Variants in KLHDC10 observed in about 807,000 individuals in gnomAD.
The protein encoded by KLHDC10 is kelch domain-containing protein 10.
KLHDC10 carries 24 observed loss-of-function variants against 56.1 expected under a neutral mutation model. The ratio of observed to expected loss-of-function variants is 0.43; its 90% CI spans 0.31 to 0.60. The LOEUF (loss-of-function observed/expected upper bound fraction) is 0.60, where lower values mean the gene tolerates loss of function less well. Among genes scored for constraint, KLHDC10 ranks in the 20% least tolerant of loss-of-function variants. KLHDC10 has a pLI of 0.11. For synonymous variants in KLHDC10, 188 were observed against 207.1 expected (o/e 0.91, Z 0.79); for missense variants, 349 against 567.0 (o/e 0.62, Z 3.91).
chr7:130,097,778 T>C (rs551708686), intron 2 of KLHDC10, among the ~76,000 whole-genome samples: 53 of 152,312 alleles, frequency 3.5e-4, no homozygotes, highest in African/African-American at 1.2e-3. Flanking sequence ...TTAAAAACCT[T>C]AGAAATATTC....
At position 130,096,958 on chromosome 7, in the gene KLHDC10, C is replaced by T. The variant is rs1248876624; in HGVS notation, c.204C>T (p.Arg68=). Residue 68 remains arginine (R), a synonymous_variant, in exon 2 of 10, where the codon CGC becomes CGT. Transcript: ENST00000335420. ...TACGATGGGACCCAGTTAGGAGGCG[C>T]TTCATTCAGTCCTGTCCCATCATAA... ...KKIRWDPVRR[R]FIQSCPIIRI... 2 of 1,611,398 alleles carry T rather than the reference C, an allele frequency of 1.2e-6. No individual in the cohort carries two copies. Among genetic ancestry groups the T allele is most frequent in the East Asian group, 4.5e-5 (2 of 44,862 alleles).
chr7:130,133,069 AAGT>A lies in KLHDC10; in HGVS notation c.*2325_*2327del. 6.6e-6 allele frequency: 1 copy of A among 152,368 alleles called. No homozygotes were observed. Among genetic ancestry groups the A allele is most frequent in the East Asian group, 1.9e-4 (1 of 5,192 alleles). The allele number at this position is 152,368 out of a possible 1,614,324, so 9.4% of individuals were successfully genotyped here. On this transcript the variant is annotated 3_prime_UTR_variant, in exon 10 of 10. Transcript: ENST00000335420. Reference sequence around the variant, plus strand: ...AGACCTGTGTGTTTTATTTTCATAAAAGTATATATCCTTGGTCTAAAGTGTCTT... The same window carrying A: ...AGACCTGTGTGTTTTATTTTCATAAAATATATCCTTGGTCTAAAGTGTCTT...
At chr7:130,075,854 G>C (rs1280218622) in intron 1 of KLHDC10, among the ~76,000 whole-genome samples, 1 of 152,048 alleles carries the variant, frequency 6.6e-6, no homozygotes, top group African/African-American at 2.4e-5. Context: ...AATAGGAATA[G>C]TTTTCTTAAG....
intron 1 of KLHDC10, among the ~76,000 whole-genome samples, chr7:130,072,048 C>T (rs1355740917): frequency 1.3e-5 from 2 of 151,924 alleles, no homozygotes; most frequent in East Asian, 3.8e-4. Context: ...GGGTTTGAGA[C>T]GTTAATATCA....
intron 1 of KLHDC10, among the ~76,000 whole-genome samples, chr7:130,091,037 A>G (rs1795765498): frequency 6.6e-6 from 1 of 151,870 alleles, no homozygotes; most frequent in Non-Finnish European, 1.5e-5. Context: ...TATTGGTTGC[A>G]TGTATCAATA....
chr7:130,080,596 A>G (rs1260708110), intron 1 of KLHDC10, among the ~76,000 whole-genome samples: 2 of 151,694 alleles, frequency 1.3e-5, no homozygotes, highest in African/African-American at 4.8e-5. Flanking sequence ...GTGGGGTCTC[A>G]ATGTTGCCCA....
At chr7:130,108,058 C>A (rs982132340) in intron 2 of KLHDC10, among the ~76,000 whole-genome samples, 52 of 146,710 alleles carry the variant, frequency 3.5e-4, no homozygotes, top group South Asian at 6.6e-4. Context: ...AAAAAAAAAA[C>A]AAAAAACAAA....
chr7:130,107,555 G>C (rs1157237265), intron 2 of KLHDC10, among the ~76,000 whole-genome samples: 1 of 151,968 alleles, frequency 6.6e-6, no homozygotes, highest in Admixed American at 6.6e-5. Flanking sequence ...TACAAAACTA[G>C]CTGGGCGACC....
intron 1 of KLHDC10, among the ~76,000 whole-genome samples, chr7:130,090,543 A>C (rs1212031095): frequency 6.6e-6 from 1 of 151,876 alleles, no homozygotes; most frequent in Admixed American, 6.6e-5. Context: ...AGCCAAGATC[A>C]TGCCACTGCA....
At chr7:130,093,006 C>CTT (rs35856642) in intron 1 of KLHDC10, among the ~76,000 whole-genome samples, 1,788 of 142,588 alleles carry the variant, frequency 0.013, 36 homozygotes, top group African/African-American at 0.043. Context: ...TTAATTATGT[C>CTT]TTTTTTTTTT....
Position 130,070,576 on chromosome 7 carries a change from A to C in KLHDC10, c.-68A>C. The C allele has an allele frequency of 1.6e-6, 2 of 1,263,070 alleles. No homozygotes were observed. Among genetic ancestry groups the C allele is most frequent in the Non-Finnish European group, 2.0e-6 (2 of 996,692 alleles). The allele number at this position is 1,263,070 out of a possible 1,614,324, so 78.2% of individuals were successfully genotyped here. On this transcript the variant is annotated 5_prime_UTR_variant, in exon 1 of 10. Coordinates refer to ENST00000335420, the MANE Select transcript of KLHDC10 (RefSeq NM_014997.4). The stretch of plus-strand genomic sequence containing the variant: ...CCTGGGTCTCTGGAGGAGCCCAGGA[A>C]GGAGGCTCCGCTGGTTCCGCTGGGT...
intron 1 of KLHDC10, among the ~76,000 whole-genome samples, chr7:130,093,729 C>G (rs1169517006): frequency 6.6e-6 from 1 of 152,016 alleles, no homozygotes; most frequent in African/African-American, 2.4e-5. Context: ...TTTTTCTGCT[C>G]TTTGGGTGAA....
At chr7:130,088,525 C>T (rs1795723944) in intron 1 of KLHDC10, among the ~76,000 whole-genome samples, 1 of 151,986 alleles carries the variant, frequency 6.6e-6, no homozygotes, top group Non-Finnish European at 1.5e-5. Flanking sequence ...ACCCACCTTC[C>T]TCAGCTTCCC....
At chr7:130,089,129 T>G (rs1454829351) in intron 1 of KLHDC10, among the ~76,000 whole-genome samples, 1 of 151,960 alleles carries the variant, frequency 6.6e-6, no homozygotes, top group Admixed American at 6.6e-5. Context: ...AAAAAAAACA[T>G]ATATTTTAAA....
intron 1 of KLHDC10, among the ~76,000 whole-genome samples, chr7:130,095,213 T>C (rs572731269): frequency 1.9e-4 from 29 of 151,818 alleles, no homozygotes; most frequent in Non-Finnish European, 2.9e-4. Flanking sequence ...ATTAAAAATA[T>C]ATATATACTT....
chr7:130,119,194 C>T lies in KLHDC10; in HGVS notation c.476-1555C>T, dbSNP rs1483150238. Among the ~76,000 whole-genome samples the T allele has an allele frequency of 2.3e-5, 3 of 131,688 alleles. No individual in the cohort carries two copies. The East Asian group carries it at 6.7e-4, about 29-fold the overall frequency. 86.4% of individuals were successfully genotyped at this position (131,688 alleles called of 152,430 possible). A position where few individuals can be genotyped will look rare whatever the true frequency, so the allele number is the denominator to read the frequency against. On this transcript the variant is annotated intron_variant, in intron 3 of 9. Coordinates refer to ENST00000335420, the MANE Select transcript of KLHDC10 (RefSeq NM_014997.4). ...ACTGCACTCCAGCTAGGCAAGACAG[C>T]AAGACTCCAACTCAAAAAAAAAAAA... is the stretch of plus-strand genomic sequence containing the variant.
intron 2 of KLHDC10, among the ~76,000 whole-genome samples, chr7:130,115,876 A>G (rs1037152795): frequency 3.3e-5 from 5 of 152,058 alleles, no homozygotes; most frequent in African/African-American, 1.2e-4. Flanking sequence ...AATATCCGGG[A>G]TGTTATTTAA....
intron 2 of KLHDC10, among the ~76,000 whole-genome samples, chr7:130,104,671 A>C (rs944276889): frequency 2.0e-5 from 3 of 152,130 alleles, no homozygotes; most frequent in Admixed American, 2.0e-4. Flanking sequence ...GCTTCTGGAG[A>C]GGCCTCAGAA....
At chr7:130,117,684 C>T (rs968373464) in intron 3 of KLHDC10, 2 of 151,464 alleles carry the variant, frequency 1.3e-5, no homozygotes, top group Non-Finnish European at 2.9e-5. Context: ...GACCTTTTCT[C>T]TACAAAAAAT....
Sources: allele counts gnomAD v4.1 joint callset (sites outside exome capture counted in the v4.1 genomes callset), GRCh38; gene constraint gnomAD v4.1.1; transcripts MANE v1.5; gene names NCBI Gene and HGNC (gene_info 2026-07-23, HGNC 2026-07-21).